The following CFAP58 variants were observed in gnomAD, a reference collection of about 807,000 sequenced individuals.
CFAP58 encodes the protein cilia and flagella associated protein 58.
Under a neutral mutation model 119.5 loss-of-function variants are expected in CFAP58, and 88 were observed. The ratio of observed to expected loss-of-function variants is 0.74; its 90% confidence interval spans 0.62 to 0.88. The LOEUF is 0.88. Ranked by LOEUF, CFAP58 falls within the 40% of genes least tolerant of loss-of-function variation. The pLI is 0.00. For synonymous variants in CFAP58, 365 were observed against 366.3 expected (o/e 1.00, Z 0.04); for missense variants, 990 against 1,021.2 (o/e 0.97, Z 0.42).
At chr10:104,447,917 C>G in intron 16 of CFAP58, 100 bp downstream of exon 16, 1 of 1,400,216 alleles carries the variant, frequency 7.1e-7, no homozygotes, top group Non-Finnish European at 9.5e-7. Context: ...GCCAGTCTCT[C>G]AATGCCACGA....
At chr10:104,424,657 G>A (rs572362717) in intron 15 of CFAP58, among the ~76,000 whole-genome samples, 2 of 152,170 alleles carry the variant, frequency 1.3e-5, no homozygotes, top group East Asian at 3.9e-4. Context: ...ATTACTTTAC[G>A]GTTCCATTCA....
intron 12 of CFAP58, among the ~76,000 whole-genome samples, chr10:104,400,110 C>T (rs553088990): frequency 5.1e-4 from 78 of 152,130 alleles, no homozygotes; most frequent in Admixed American, 5.9e-4. Context: ...ATAAACAAAA[C>T]GATACACACA....
chr10:104,411,576 A>G (rs904537152), intron 15 of CFAP58, among the ~76,000 whole-genome samples: 1 of 152,082 alleles, frequency 6.6e-6, no homozygotes, highest in African/African-American at 2.4e-5. Flanking sequence ...GGAATGGTTC[A>G]GGTTAAGGGT....
chr10:104,345,851 A>G, the CFAP58 span, among the ~76,000 whole-genome samples: 38,551 of 152,064 alleles, frequency 0.25, 5,167 homozygotes, highest in Middle Eastern at 0.3. Flanking sequence ...CTTTCAGGGG[A>G]TAGTAGATAT....
At chr10:104,364,914 G>A (rs760202120) in intron 4 of CFAP58, 25 bp downstream of exon 4, 1 of 1,601,896 alleles carries the variant, frequency 6.2e-7, no homozygotes, top group East Asian at 2.3e-5. Context: ...GCAAGAAGAA[G>A]GAATATTTCC....
At position 104,381,647 on chromosome 10, in the gene CFAP58, G is replaced by T. The variant is rs2011805870; in HGVS notation, c.1365+1427G>T. Among the ~76,000 whole-genome samples, 4 of 151,780 alleles carry T rather than the reference G, an allele frequency of 2.6e-5. No individual in the cohort carries two copies. The South Asian group carries it at 8.3e-4, about 32-fold the overall frequency. On this transcript the variant is annotated intron_variant, in intron 9 of 17. Coordinates refer to ENST00000369704, the MANE Select transcript of CFAP58 (RefSeq NM_001008723.2). The stretch of plus-strand genomic sequence containing the variant: ...TTTTTTTTTGGAGTGAAATGTCAAA[G>T]AAGGTGACAAGGGACAGCCAATATT...
At chr10:104,453,677 G>A (rs1236891072) in intron 17 of CFAP58, among the ~76,000 whole-genome samples, 1 of 151,908 alleles carries the variant, frequency 6.6e-6, no homozygotes, top group African/African-American at 2.4e-5. Context: ...GTTTAACAGG[G>A]TTTCCAAAGG....
intron 15 of CFAP58, among the ~76,000 whole-genome samples, chr10:104,407,438 A>T (rs1328481645): frequency 6.6e-6 from 1 of 152,136 alleles, no homozygotes; most frequent in Non-Finnish European, 1.5e-5. Context: ...ATGACCGAGG[A>T]AGTCAGCGCC....
chr10:104,429,660 T>A (rs1007990055), intron 15 of CFAP58, among the ~76,000 whole-genome samples: 1 of 152,174 alleles, frequency 6.6e-6, no homozygotes, highest in Non-Finnish European at 1.5e-5. Context: ...TTCTGCTAGG[T>A]CTCACCCAAA....
chr10:104,454,122 A>G (rs61861203), intron 17 of CFAP58, among the ~76,000 whole-genome samples: 18,629 of 152,238 alleles, frequency 0.12, 1,496 homozygotes, highest in Middle Eastern at 0.19. Flanking sequence ...CAAATGTTTT[A>G]TAAAACAGGA....
chr10:104,346,150 T>A, the CFAP58 span, among the ~76,000 whole-genome samples: 1 of 151,928 alleles, frequency 6.6e-6, no homozygotes, highest in African/African-American at 2.4e-5. Context: ...AGAGAAAGGA[T>A]GTGCCTGACT....
chr10:104,403,215 G>A (rs1317052237), intron 13 of CFAP58, among the ~76,000 whole-genome samples: 3 of 152,120 alleles, frequency 2.0e-5, no homozygotes, highest in Admixed American at 6.5e-5. Flanking sequence ...TAAGTCTCAC[G>A]AGATCTGATG....
chr10:104,417,549 C>A (rs911774296), intron 15 of CFAP58, among the ~76,000 whole-genome samples: 1 of 152,128 alleles, frequency 6.6e-6, no homozygotes, highest in Non-Finnish European at 1.5e-5. Flanking sequence ...TATTGACATT[C>A]GTATGAAAGT....
chr10:104,450,233 G>T (rs1302847272), intron 17 of CFAP58, 29 bp downstream of exon 17: 1 of 1,609,272 alleles, frequency 6.2e-7, no homozygotes, highest in East Asian at 2.2e-5. Flanking sequence ...TCCTAATTTT[G>T]TTGTGCCTAT....
upstream of CFAP58, among the ~76,000 whole-genome samples, chr10:104,352,577 C>T (rs186971213): frequency 9.5e-4 from 145 of 152,300 alleles, no homozygotes; most frequent in Middle Eastern, 6.8e-3. Flanking sequence ...TTGTGCAGGA[C>T]GCAGCTGCAT....
intron 9 of CFAP58, among the ~76,000 whole-genome samples, chr10:104,383,119 G>A (rs2011850912): frequency 6.6e-6 from 1 of 152,108 alleles, no homozygotes; most frequent in Non-Finnish European, 1.5e-5. Flanking sequence ...TGTTCTCTGT[G>A]GAAAGTTCTG....
chr10:104,385,843 A>T (rs189052304), intron 9 of CFAP58, among the ~76,000 whole-genome samples: 28 of 152,316 alleles, frequency 1.8e-4, no homozygotes, highest in Admixed American at 1.7e-3. Context: ...GACTCTCCGT[A>T]GACTTGCCCT....
intron 9 of CFAP58, among the ~76,000 whole-genome samples, chr10:104,380,740 G>A (rs1250403117): frequency 6.6e-6 from 1 of 152,176 alleles, no homozygotes. Flanking sequence ...ATGAACTCCT[G>A]CAATCTCAGC....
intron 15 of CFAP58, among the ~76,000 whole-genome samples, chr10:104,434,635 G>T (rs544871306): frequency 2.3e-4 from 35 of 152,338 alleles, no homozygotes; most frequent in Admixed American, 7.8e-4. Flanking sequence ...AGAAACTCAT[G>T]GATTCAGCCA....
Sources: allele counts gnomAD v4.1 joint callset (sites outside exome capture counted in the v4.1 genomes callset), GRCh38; gene constraint gnomAD v4.1.1; transcripts MANE v1.5; gene names NCBI Gene and HGNC (gene_info 2026-07-23, HGNC 2026-07-21).